HHAT: variants seen among roughly 807,000 people sequenced by gnomAD.
HHAT encodes protein-cysteine N-palmitoyltransferase HHAT.
HHAT carries 47 observed loss-of-function variants against 70.8 expected under a neutral mutation model. That is an observed-to-expected ratio of 0.66 (90% CI 0.53 to 0.85). HHAT has a LOEUF of 0.85. Among genes scored for constraint, HHAT ranks in the 40% least tolerant of loss-of-function variants. HHAT has a pLI of 0.00. For synonymous variants in HHAT, 228 were observed against 247.6 expected, an observed-to-expected ratio of 0.92 and a Z score of 0.74; for missense variants, 609 against 604.8, an observed-to-expected ratio of 1.01 and a Z score of -0.07.
At chr1:210,448,620 G>C (rs537773544) in intron 7 of HHAT, among the ~76,000 whole-genome samples, 72 of 152,320 alleles carry the variant, frequency 4.7e-4, no homozygotes, top group African/African-American at 1.6e-3. Context: ...AGACCAGAGA[G>C]AGAGAGTCTA....
intron 7 of HHAT, among the ~76,000 whole-genome samples, chr1:210,453,532 C>G (rs919793490): frequency 6.6e-6 from 1 of 152,130 alleles, no homozygotes; most frequent in Admixed American, 6.6e-5. Context: ...CCCTTTCCCC[C>G]TTTCTCTCCT....
intron 2 of HHAT, among the ~76,000 whole-genome samples, chr1:210,351,366 C>A (rs1265140689): frequency 6.6e-6 from 1 of 152,242 alleles, no homozygotes; most frequent in African/African-American, 2.4e-5. Flanking sequence ...GAAACACCCT[C>A]ACAGACACCT....
chr1:210,377,333 A>G (rs999824406), intron 3 of HHAT, among the ~76,000 whole-genome samples: 3 of 151,754 alleles, frequency 2.0e-5, no homozygotes, highest in African/African-American at 7.3e-5. Context: ...TCTTTTTTCC[A>G]TATGCTGTGT....
chr1:210,488,076 C>T (rs1162491057), intron 8 of HHAT, among the ~76,000 whole-genome samples: 4 of 152,166 alleles, frequency 2.6e-5, no homozygotes, highest in African/African-American at 9.7e-5. Context: ...GTTAATCTGT[C>T]TTATGTCAAT....
intron 10 of HHAT, among the ~76,000 whole-genome samples, chr1:210,607,553 C>T (rs180887644): frequency 9.2e-5 from 14 of 152,204 alleles, no homozygotes; most frequent in African/African-American, 3.1e-4. Flanking sequence ...ATTCAGTAGT[C>T]CCAAGGGATC....
At chr1:210,349,918 T>C (rs990858870) in intron 2 of HHAT, among the ~76,000 whole-genome samples, 4 of 152,190 alleles carry the variant, frequency 2.6e-5, no homozygotes, top group Admixed American at 2.6e-4. Context: ...CCCAAAGTGC[T>C]GGGATTACAG....
Position 210,674,295 on chromosome 1 carries a change from T to C in HHAT, c.1398T>C (p.Pro466=). 1 of 1,613,956 alleles carries C rather than the reference T, an allele frequency of 6.2e-7. No homozygotes were observed. Among genetic ancestry groups the C allele is most frequent in the Non-Finnish European group, 8.5e-7 (1 of 1,179,834 alleles). Residue 466 remains proline, a synonymous_variant, in exon 12 of 12, where the codon CCT becomes CCC. Coordinates refer to ENST00000261458, the MANE Select transcript of HHAT (RefSeq NM_018194.6). Reference sequence around the variant, plus strand: ...TCTGTCCTCCCTCTGCAGGCTGGCCTTGGGTGACCCTCTCTGTCCTGGGAT... The same window carrying C: ...TCTGTCCTCCCTCTGCAGGCTGGCCCTGGGTGACCCTCTCTGTCCTGGGAT... ...YWNRIFIQGW[P]WVTLSVLGFL...
intron 10 of HHAT, among the ~76,000 whole-genome samples, chr1:210,623,112 C>G (rs1260320794): frequency 3.3e-5 from 5 of 152,172 alleles, no homozygotes; most frequent in African/African-American, 1.2e-4. Context: ...GTTCTGTCAC[C>G]CAGACTTGGA....
intron 7 of HHAT, 35 bp downstream of exon 7, chr1:210,418,360 C>G (rs756748705): frequency 1.9e-5 from 29 of 1,541,268 alleles, no homozygotes; most frequent in Middle Eastern, 1.7e-4. Context: ...GGGATGAGCC[C>G]CAATAGTCCA....
At chr1:210,550,017 A>G (rs2148680274) in intron 9 of HHAT, among the ~76,000 whole-genome samples, 1 of 148,972 alleles carries the variant, frequency 6.7e-6, no homozygotes. Flanking sequence ...CCCCTTATCC[A>G]CTATCCTCCC....
intron 9 of HHAT, among the ~76,000 whole-genome samples, chr1:210,568,262 A>G (rs1293570325): frequency 6.6e-6 from 1 of 151,932 alleles, no homozygotes; most frequent in Non-Finnish European, 1.5e-5. Flanking sequence ...CGGGGAGGGC[A>G]TGTAAGTTCT....
chr1:210,629,703 T>G (rs1349083802), intron 11 of HHAT, among the ~76,000 whole-genome samples: 1 of 152,192 alleles, frequency 6.6e-6, no homozygotes, highest in Non-Finnish European at 1.5e-5. Flanking sequence ...TTCTTTTGGC[T>G]CATGCCTTCC....
intron 7 of HHAT, among the ~76,000 whole-genome samples, chr1:210,449,411 T>C (rs1572521205): frequency 6.6e-6 from 1 of 152,228 alleles, no homozygotes; most frequent in South Asian, 2.1e-4. Flanking sequence ...TTTCTGATCA[T>C]GCCTTTCCCG....
At chr1:210,603,495 T>A (rs937973527) in intron 10 of HHAT, among the ~76,000 whole-genome samples, 10 of 152,192 alleles carry the variant, frequency 6.6e-5, no homozygotes, top group Admixed American at 2.0e-4. Context: ...ATTCTGGGTA[T>A]CTTTTTCTCC....
chr1:210,353,668 T>C (rs1467709494), intron 2 of HHAT, among the ~76,000 whole-genome samples: 1 of 152,128 alleles, frequency 6.6e-6, no homozygotes, highest in Non-Finnish European at 1.5e-5. Context: ...TTTTATATTT[T>C]ATCTGCATCA....
chr1:210,559,611 C>G (rs1053208682), intron 9 of HHAT, among the ~76,000 whole-genome samples: 1 of 152,210 alleles, frequency 6.6e-6, no homozygotes, highest in African/African-American at 2.4e-5. Flanking sequence ...TACAATTATG[C>G]CATTCACAAA....
chr1:210,380,365 A>G lies in HHAT; in HGVS notation c.160-7103A>G, dbSNP rs529999140. Among the ~76,000 whole-genome samples, 4 of 151,988 alleles carry G rather than the reference A, an allele frequency of 2.6e-5. No homozygotes were observed. The East Asian group carries it at 5.8e-4, about 22-fold the overall frequency. On this transcript the variant is annotated intron_variant, in intron 3 of 11. Transcript: ENST00000261458. Reference sequence around the variant, plus strand: ...AGATTAGCCTGGCCAACGTGGTGAAACCCTGTCTCTACTAAAAATACAAAA... The same window carrying G: ...AGATTAGCCTGGCCAACGTGGTGAAGCCCTGTCTCTACTAAAAATACAAAA...
chr1:210,643,776 C>T (rs1374405251), intron 11 of HHAT, among the ~76,000 whole-genome samples: 1 of 151,452 alleles, frequency 6.6e-6, no homozygotes, highest in East Asian at 1.9e-4. Context: ...ATTTAATAGA[C>T]AGAATTTAAA....
chr1:210,600,027 T>C (rs529876259), intron 10 of HHAT, among the ~76,000 whole-genome samples: 1 of 152,282 alleles, frequency 6.6e-6, no homozygotes, highest in East Asian at 1.9e-4. Context: ...TCCACCCCTA[T>C]TCATCCTTCA....
Sources: allele counts gnomAD v4.1 joint callset (sites outside exome capture counted in the v4.1 genomes callset), GRCh38; gene constraint gnomAD v4.1.1; transcripts MANE v1.5; gene names NCBI Gene and HGNC (gene_info 2026-07-23, HGNC 2026-07-21).